The following CSGALNACT1 variants were observed in gnomAD, a reference collection of about 807,000 sequenced individuals.
The protein encoded by CSGALNACT1 is chondroitin sulfate N-acetylgalactosaminyltransferase 1.
Under a neutral mutation model 51.0 loss-of-function variants are expected in CSGALNACT1, and 52 were observed. The ratio of observed to expected loss-of-function variants is 1.02; its 90% CI spans 0.82 to 1.29. The LOEUF is 1.29. Among genes scored for constraint, CSGALNACT1 ranks in the 50% most tolerant of loss-of-function variants. The pLI is 0.00. For missense variants in CSGALNACT1, 935 were observed against 679.2 expected (o/e 1.38, Z -4.19); for synonymous variants, 341 against 254.4 (o/e 1.34, Z -3.24).
At chr8:19,684,135 T>C (rs1464777882), upstream of CSGALNACT1, among the ~76,000 whole-genome samples, 1 of 151,942 alleles carries the variant, frequency 6.6e-6, no homozygotes, top group Non-Finnish European at 1.5e-5. Context: ...CATTGCACTC[T>C]AGCCCAGGCA....
At chr8:19,514,658 C>CA (rs551285523) in intron 3 of CSGALNACT1, among the ~76,000 whole-genome samples, 25,953 of 135,560 alleles carry the variant, frequency 0.19, 2,483 homozygotes, top group Non-Finnish European at 0.22. Flanking sequence ...CCGTCTCTAC[C>CA]AAAAAAAAAA....
At chr8:19,577,087 T>G (rs1455074278) in intron 3 of CSGALNACT1, among the ~76,000 whole-genome samples, 1 of 152,026 alleles carries the variant, frequency 6.6e-6, no homozygotes, top group African/African-American at 2.4e-5. Flanking sequence ...GGGTAACATG[T>G]ATTTATTCAC....
intron 1 of CSGALNACT1, among the ~76,000 whole-genome samples, chr8:19,628,909 T>C (rs775551102): frequency 6.6e-6 from 1 of 152,142 alleles, no homozygotes; most frequent in Non-Finnish European, 1.5e-5. Flanking sequence ...AAACACAGCA[T>C]GCAAAGGCCT....
At chr8:19,552,492 T>C (rs1333959003) in intron 3 of CSGALNACT1, among the ~76,000 whole-genome samples, 1 of 152,172 alleles carries the variant, frequency 6.6e-6, no homozygotes, top group Non-Finnish European at 1.5e-5. Flanking sequence ...AGACCAAGTT[T>C]CTTTTTTTTG....
intron 1 of CSGALNACT1, among the ~76,000 whole-genome samples, chr8:19,613,407 G>T (rs896485133): frequency 1.3e-5 from 2 of 152,028 alleles, no homozygotes; most frequent in South Asian, 4.2e-4. Context: ...CTTTATCATC[G>T]CACAGACCGG....
chr8:19,544,133 G>C (rs2085923236), intron 3 of CSGALNACT1, among the ~76,000 whole-genome samples: 1 of 150,706 alleles, frequency 6.6e-6, no homozygotes, highest in Non-Finnish European at 1.5e-5. Flanking sequence ...GAAAAGAATA[G>C]TTTGGTGACC....
chr8:19,423,643 A>T (rs1421124650), intron 6 of CSGALNACT1, among the ~76,000 whole-genome samples: 1 of 152,120 alleles, frequency 6.6e-6, no homozygotes, highest in Admixed American at 6.5e-5. Flanking sequence ...CTTAATTTGG[A>T]AGAACTTTTT....
chr8:19,442,999 C>T (rs1002196399), intron 5 of CSGALNACT1, among the ~76,000 whole-genome samples: 1 of 152,212 alleles, frequency 6.6e-6, no homozygotes, highest in Non-Finnish European at 1.5e-5. Flanking sequence ...CCCCATTTCT[C>T]CTCTCCGTGA....
At chr8:19,531,574 A>T (rs967289469) in intron 3 of CSGALNACT1, among the ~76,000 whole-genome samples, 5 of 152,224 alleles carry the variant, frequency 3.3e-5, no homozygotes, top group African/African-American at 1.2e-4. Context: ...TTGGCAAATC[A>T]CTAAAGTTCT....
At chr8:19,542,504 C>T (rs983781334) in intron 3 of CSGALNACT1, among the ~76,000 whole-genome samples, 13 of 152,130 alleles carry the variant, frequency 8.5e-5, no homozygotes, top group Non-Finnish European at 1.2e-4. Context: ...CCTGCACAAG[C>T]GCCTGCTGCC....
chr8:19,664,098 C>T (rs1245003042), intron 1 of CSGALNACT1, among the ~76,000 whole-genome samples: 5 of 152,176 alleles, frequency 3.3e-5, no homozygotes, highest in Non-Finnish European at 7.3e-5. Flanking sequence ...TCGGCCCAGG[C>T]TCCTGGAAAG....
intron 1 of CSGALNACT1, among the ~76,000 whole-genome samples, chr8:19,734,446 T>C (rs185949429): frequency 2.8e-4 from 43 of 152,336 alleles, no homozygotes; most frequent in African/African-American, 9.6e-4. Flanking sequence ...CCATGACTAA[T>C]CAAGCTGTGC....
At chr8:19,483,002 A>G (rs762042470) in intron 4 of CSGALNACT1, among the ~76,000 whole-genome samples, 2 of 152,080 alleles carry the variant, frequency 1.3e-5, no homozygotes, top group Non-Finnish European at 2.9e-5. Flanking sequence ...TCCATCCCAC[A>G]TCCAGTATAC....
At chr8:19,435,928 T>A (rs1035369832) in intron 6 of CSGALNACT1, among the ~76,000 whole-genome samples, 1 of 152,128 alleles carries the variant, frequency 6.6e-6, no homozygotes, top group Non-Finnish European at 1.5e-5. Context: ...CATGAAAGAA[T>A]ATTTATCCTT....
chr8:19,658,730 T>C (rs1373255036), intron 1 of CSGALNACT1, among the ~76,000 whole-genome samples: 1 of 151,966 alleles, frequency 6.6e-6, no homozygotes, highest in East Asian at 1.9e-4. Flanking sequence ...CAAGGCCCTG[T>C]CTCAAAACAA....
At chr8:19,557,525 T>C (rs2039737098) in intron 3 of CSGALNACT1, among the ~76,000 whole-genome samples, 1 of 152,198 alleles carries the variant, frequency 6.6e-6, no homozygotes, top group Admixed American at 6.5e-5. Context: ...TGCTGCCTTG[T>C]TAGCCACACA....
At chr8:19,540,327 GTATT>G (rs1554682253) in intron 3 of CSGALNACT1, among the ~76,000 whole-genome samples, 2 of 152,150 alleles carry the variant, frequency 1.3e-5, no homozygotes, top group South Asian at 2.1e-4. Flanking sequence ...ATGGAAAACA[GTATT>G]TATTCTTTAG....
At chr8:19,518,133 A>C (rs1030467177) in intron 3 of CSGALNACT1, among the ~76,000 whole-genome samples, 2 of 152,212 alleles carry the variant, frequency 1.3e-5, no homozygotes, top group Admixed American at 1.3e-4. Flanking sequence ...TCCCCAGCCA[A>C]GTACTTTCTG....
intron 3 of CSGALNACT1, among the ~76,000 whole-genome samples, chr8:19,530,156 G>C (rs2082457643): frequency 1.3e-5 from 2 of 152,144 alleles, no homozygotes; most frequent in Middle Eastern, 3.2e-3. Context: ...AGGAGGCAGA[G>C]GTTGCAGTGA....
Sources: gnomAD v4.1 joint callset for allele counts (sites outside exome capture counted in the v4.1 genomes callset) on GRCh38, gnomAD v4.1.1 for gene constraint, MANE v1.5 for transcripts, NCBI Gene and HGNC (gene_info 2026-07-23, HGNC 2026-07-21) for gene names.